The following GRM7 variants were observed in gnomAD, a reference collection of about 807,000 sequenced individuals.
GRM7 encodes glutamate metabotropic receptor 7, also known as metabotropic glutamate receptor 7.
GRM7 carries 35 observed loss-of-function variants against 84.5 expected under a neutral mutation model. The ratio of observed to expected loss-of-function variants is 0.41; its 90% confidence interval spans 0.32 to 0.55. The LOEUF (loss-of-function observed/expected upper bound fraction) is 0.55, where lower values mean the gene tolerates loss of function less well. Among genes scored for constraint, GRM7 ranks in the 20% least tolerant of loss-of-function variants. GRM7 has a pLI of 0.19. For missense variants in GRM7, 1,003 were observed against 1,194.6 expected, an observed-to-expected ratio of 0.84 and a Z score of 2.36; for synonymous variants, 487 against 455.1, an observed-to-expected ratio of 1.07 and a Z score of -0.89.
At chr3:7,564,960 G>T (rs2125039773) in intron 7 of GRM7, among the ~76,000 whole-genome samples, 1 of 152,276 alleles carries the variant, frequency 6.6e-6, no homozygotes, top group South Asian at 2.1e-4. Context: ...GATTGCACAT[G>T]ACTTGTTTTT....
intron 2 of GRM7, among the ~76,000 whole-genome samples, chr3:7,206,199 C>A (rs1025985047): frequency 6.6e-6 from 1 of 152,058 alleles, no homozygotes; most frequent in Non-Finnish European, 1.5e-5. Context: ...TTAGATCGCT[C>A]ATTAGAAGGC....
At chr3:6,877,759 A>G (rs1418539381) in intron 1 of GRM7, among the ~76,000 whole-genome samples, 1 of 151,898 alleles carries the variant, frequency 6.6e-6, no homozygotes, top group African/African-American at 2.4e-5. Flanking sequence ...ATAGATGGAC[A>G]TGAAAAATTT....
chr3:7,164,256 G>A (rs1035280414), intron 2 of GRM7, among the ~76,000 whole-genome samples: 15 of 152,192 alleles, frequency 9.9e-5, no homozygotes, highest in Admixed American at 7.2e-4. Context: ...CTACTTGGGA[G>A]GCTGAGGCAG....
chr3:6,992,504 G>C (rs779513930), intron 1 of GRM7, among the ~76,000 whole-genome samples: 1 of 152,146 alleles, frequency 6.6e-6, no homozygotes, highest in Non-Finnish European at 1.5e-5. Flanking sequence ...CAATTTAGAT[G>C]ATTCAGGAAA....
chr3:7,549,115 A>G (rs751371532), intron 7 of GRM7, among the ~76,000 whole-genome samples: 1 of 152,222 alleles, frequency 6.6e-6, no homozygotes, highest in Non-Finnish European at 1.5e-5. Flanking sequence ...GAGAGAGCTA[A>G]CTATTAGAAT....
At chr3:7,587,032 G>T (rs905784626) in intron 8 of GRM7, among the ~76,000 whole-genome samples, 4 of 152,162 alleles carry the variant, frequency 2.6e-5, no homozygotes, top group Admixed American at 6.5e-5. Context: ...AATTTGGGGG[G>T]TAATATGTGT....
chr3:7,292,547 G>A (rs543156554), intron 2 of GRM7, among the ~76,000 whole-genome samples: 47 of 152,072 alleles, frequency 3.1e-4, no homozygotes, highest in African/African-American at 1.1e-3. Context: ...TAATAGATAA[G>A]CAGTACTTAG....
chr3:7,035,399 C>A (rs1341422838), intron 1 of GRM7, among the ~76,000 whole-genome samples: 1 of 151,638 alleles, frequency 6.6e-6, no homozygotes, highest in East Asian at 1.9e-4. Context: ...ATAAAAGGCC[C>A]AGGGGAAAAT....
At chr3:7,309,148 G>C (rs1436551015) in intron 4 of GRM7, among the ~76,000 whole-genome samples, 4 of 152,060 alleles carry the variant, frequency 2.6e-5, no homozygotes, top group Non-Finnish European at 5.9e-5. Context: ...ATATTGCCTA[G>C]GTACATTTCT....
intron 2 of GRM7, among the ~76,000 whole-genome samples, chr3:7,198,816 A>G (rs899775069): frequency 6.6e-6 from 1 of 152,208 alleles, no homozygotes; most frequent in African/African-American, 2.4e-5. Context: ...TTGAGCCATC[A>G]TAAGTTGGGG....
intron 1 of GRM7, among the ~76,000 whole-genome samples, chr3:6,948,903 G>T (rs901550716): frequency 1.8e-4 from 27 of 152,166 alleles, no homozygotes; most frequent in Non-Finnish European, 3.7e-4. Context: ...TTTTCCATTT[G>T]CTTGGTAGAT....
intron 2 of GRM7, among the ~76,000 whole-genome samples, chr3:7,149,053 G>A (rs1448591326): frequency 1.3e-5 from 2 of 151,934 alleles, no homozygotes; most frequent in Non-Finnish European, 1.5e-5. Context: ...TATTTAATAA[G>A]TATCCTTCTT....
chr3:7,343,131 A>G (rs1692720328), intron 4 of GRM7, among the ~76,000 whole-genome samples: 1 of 152,154 alleles, frequency 6.6e-6, no homozygotes, highest in Admixed American at 6.6e-5. Context: ...CAACACCCAG[A>G]CGTAGAATAA....
chr3:6,864,527 G>A (rs1022977716), intron 1 of GRM7, among the ~76,000 whole-genome samples: 2 of 152,104 alleles, frequency 1.3e-5, no homozygotes, highest in Non-Finnish European at 2.9e-5. Context: ...GAATCTTGTC[G>A]GGGATTTCTA....
intron 1 of GRM7, among the ~76,000 whole-genome samples, chr3:6,919,621 C>CA (rs1299813696): frequency 1.3e-5 from 2 of 150,038 alleles, no homozygotes; most frequent in Non-Finnish European, 3.0e-5. Context: ...TGCAGCCAGG[C>CA]AAAACAGAAT....
chr3:7,299,231 C>CT (rs1266973383), intron 3 of GRM7, among the ~76,000 whole-genome samples: 1 of 152,130 alleles, frequency 6.6e-6, no homozygotes, highest in Non-Finnish European at 1.5e-5. Flanking sequence ...TGTCTTAACT[C>CT]TACATTCTCC....
intron 4 of GRM7, among the ~76,000 whole-genome samples, chr3:7,322,954 T>A (rs948758297): frequency 1.3e-5 from 2 of 152,016 alleles, no homozygotes; most frequent in Non-Finnish European, 2.9e-5. Flanking sequence ...AGAAGCAGAG[T>A]CGAACTCAGG....
chr3:7,080,801 G>A (rs1274204648), intron 1 of GRM7, among the ~76,000 whole-genome samples: 1 of 151,570 alleles, frequency 6.6e-6, no homozygotes, highest in Admixed American at 6.6e-5. Flanking sequence ...TTTTCCTCTG[G>A]CAGATTATAA....
chr3:7,347,256 A>G (rs557064047), intron 4 of GRM7, among the ~76,000 whole-genome samples: 1 of 152,284 alleles, frequency 6.6e-6, no homozygotes, highest in African/African-American at 2.4e-5. Flanking sequence ...AACTATTTCA[A>G]GGCTGCTCCT....
Sources: allele counts gnomAD v4.1 joint callset (sites outside exome capture counted in the v4.1 genomes callset), GRCh38; gene constraint gnomAD v4.1.1; transcripts MANE v1.5; gene names NCBI Gene and HGNC (gene_info 2026-07-23, HGNC 2026-07-21).